DNM2: variants seen among roughly 807,000 people sequenced by gnomAD.
The protein encoded by DNM2 is dynamin-2.
DNM2 carries 15 observed loss-of-function variants against 99.0 expected under a neutral mutation model. The observed-to-expected ratio is 0.15, with a 90% CI of 0.10 to 0.23. The LOEUF is 0.23. DNM2 is among the 10% of genes least tolerant of loss of function. The pLI, the probability that DNM2 is intolerant of heterozygous loss-of-function variation, is 1.00. For missense variants in DNM2, 742 were observed against 1,189.4 expected, an observed-to-expected ratio of 0.62 and a Z score of 5.53; for synonymous variants, 525 against 481.2, an observed-to-expected ratio of 1.09 and a Z score of -1.19.
Position 10,765,906 on chromosome 19 carries a change from G to A in DNM2, c.235+6095G>A, listed in dbSNP as rs1223967582. Among the ~76,000 whole-genome samples the A allele has an allele frequency of 6.6e-6, 1 of 152,190 alleles. No individual in the cohort carries two copies. On this transcript the variant is annotated intron_variant, in intron 2 of 20. Coordinates refer to ENST00000389253, the MANE Select transcript of DNM2 (RefSeq NM_001005361.3). The surrounding 1 kb of genome is among the most constrained non-coding windows in gnomAD (Gnocchi z 4.4). ...TGAGAAGATCCAGGGCAGAGCCCCA[G>A]TGTGCAAAGCACTGGGACCCTAGCC...
chr19:10,813,283 G>T (rs1241089010), intron 15 of DNM2, among the ~76,000 whole-genome samples: 1 of 152,200 alleles, frequency 6.6e-6, no homozygotes, highest in Non-Finnish European at 1.5e-5. Context: ...CTGCGAGTGA[G>T]GGGGCAGGCC....
chr19:10,732,007 T>C lies in DNM2; in HGVS notation c.161+13604T>C, dbSNP rs551451963. Among the ~76,000 whole-genome samples, 19 of 146,566 alleles carry C rather than the reference T, an allele frequency of 1.3e-4. 1 individual carries two copies. In the South Asian group the frequency reaches 4.1e-3, roughly 31 times the overall value. ...TTCGCTGTTGTTGCCCAGGCTGGAG[T>C]GCAATGGTGCAATCTCGGCTCGCTG... On this transcript the variant is annotated intron_variant, in intron 1 of 20. Transcript: ENST00000389253.
rs2072542998 is a variant in DNM2, at chr19:10,811,496, G to A, written c.1558-768G>A. ...ATGCTCAGCCCACCCTTTGTAGCTT[G>A]GCCAAGTCTGTCAGTGCCTGGGTCC... On this transcript the variant is annotated intron_variant, in intron 14 of 20. Transcript: ENST00000389253. The surrounding 1 kb of genome is among the most constrained non-coding windows in gnomAD (Gnocchi z 5.4). 6 of 357,934 alleles carry A rather than the reference G, an allele frequency of 1.7e-5. No homozygotes were observed. The highest frequency in any genetic ancestry group is 1.0e-4 in the South Asian group (5 of 48,736). 22.2% of individuals were successfully genotyped at this position (357,934 alleles called of 1,614,324 possible).
rs978236734 is a variant in DNM2 at position 10,764,295 on chromosome 19, G to A, written c.235+4484G>A. On this transcript the variant is annotated intron_variant, in intron 2 of 20. Transcript: ENST00000389253. This position sits in a 1 kb window ranked among gnomAD's most constrained non-coding sequence, Gnocchi z 4.1. The stretch of plus-strand genomic sequence containing the variant: ...TCGTGGCCATGGCACCCCATTGGCT[G>A]TGGTATGCTGTCTCTTCCTGTGGGG... Among the ~76,000 whole-genome samples the A allele has an allele frequency of 4.6e-5, 7 of 152,216 alleles. No homozygotes were observed. The highest frequency in any genetic ancestry group is 1.7e-4 in the African/African-American group (7 of 41,452).
chr19:10,738,260 A>AAAAT (rs556305780), intron 1 of DNM2, among the ~76,000 whole-genome samples: 316 of 152,100 alleles, frequency 2.1e-3, no homozygotes, highest in African/African-American at 2.5e-3. Flanking sequence ...TCCATCTCAA[A>AAAAT]AAATAAATAA....
At chr19:10,718,694 A>C (rs1330382438) in intron 1 of DNM2, 3 of 273,512 alleles carry the variant, frequency 1.1e-5, no homozygotes, top group Non-Finnish European at 2.0e-5. Context: ...TCGTGGGTGA[A>C]GTCTGCCATC....
chr19:10,742,229 G>A (rs1200041040), intron 1 of DNM2, among the ~76,000 whole-genome samples: 7 of 152,164 alleles, frequency 4.6e-5, no homozygotes, highest in Admixed American at 4.6e-4. Context: ...CTGCAAGGGA[G>A]TGCCATGTTG....
intron 2 of DNM2, among the ~76,000 whole-genome samples, chr19:10,761,765 A>T (rs1184051445): frequency 6.6e-6 from 1 of 151,536 alleles, no homozygotes; most frequent in East Asian, 1.9e-4. Flanking sequence ...GCCTCCCAAG[A>T]CTCCTCACTT....
chr19:10,811,810 G>A lies in DNM2; in HGVS notation c.1558-454G>A, dbSNP rs567470136. The stretch of plus-strand genomic sequence containing the variant: ...ACCACCAGGCTTGCAGCCAGCTTGG[G>A]ACATGAGCCGCGCTCCTTCAATGTC... On this transcript the variant is annotated intron_variant, in intron 14 of 20. Transcript: ENST00000389253. This position sits in a 1 kb window ranked among gnomAD's most constrained non-coding sequence, Gnocchi z 5.4. 1.9e-6 allele frequency: 1 copy of A among 517,908 alleles called. No homozygotes were observed. Among genetic ancestry groups the A allele is most frequent in the East Asian group, 5.4e-5 (1 of 18,354 alleles). 32.1% of individuals were successfully genotyped at this position (517,908 alleles called of 1,614,324 possible).
rs2072020371 is a variant in DNM2, at chr19:10,798,480, C to T, written c.1336-6C>T. The T allele has an allele frequency of 3.1e-6, 5 of 1,614,150 alleles. No individual in the cohort carries two copies. Among genetic ancestry groups the T allele is most frequent in the Non-Finnish European group, 4.2e-6 (5 of 1,180,032 alleles). On this transcript the variant is annotated splice_region_variant and splice_polypyrimidine_tract_variant and intron_variant, in intron 10 of 20. Coordinates refer to ENST00000389253, the MANE Select transcript of DNM2 (RefSeq NM_001005361.3). ...GCCAATGCGACCACTCTGCTTGTTC[C>T]CCCAGCTCAGTTCCTACCCCCGGTT...
At chr19:10,727,032 C>A (rs80293523) in intron 1 of DNM2, among the ~76,000 whole-genome samples, 1 of 152,136 alleles carries the variant, frequency 6.6e-6, no homozygotes, top group African/African-American at 2.4e-5. Context: ...GGGATCCTGT[C>A]TTGTTTAAAA....
At chr19:10,746,616 C>A (rs1428272505) in intron 1 of DNM2, among the ~76,000 whole-genome samples, 3 of 151,570 alleles carry the variant, frequency 2.0e-5, no homozygotes, top group African/African-American at 7.3e-5. Context: ...GACGGGGTTT[C>A]TCCCTGTTGG....
chr19:10,806,001 C>T (rs781582543), intron 13 of DNM2, 34 bp downstream of exon 13: 1 of 1,613,524 alleles, frequency 6.2e-7, no homozygotes, highest in East Asian at 2.2e-5. Flanking sequence ...CCGCTCTACC[C>T]TGGGGGCGGG....
chr19:10,790,343 C>T (rs2071710243), intron 7 of DNM2, among the ~76,000 whole-genome samples: 1 of 152,134 alleles, frequency 6.6e-6, no homozygotes, highest in South Asian at 2.1e-4. Context: ...CTTGTAAGTT[C>T]ATCTGTGACT....
chr19:10,754,735 G>C (rs1046093960), intron 1 of DNM2, among the ~76,000 whole-genome samples: 1 of 151,996 alleles, frequency 6.6e-6, no homozygotes, highest in Admixed American at 6.6e-5. Context: ...CACTACAGGG[G>C]AATGCCACCA....
rs570207406 is a variant in DNM2 at position 10,818,402 on chromosome 19, T to C, written c.1672-1578T>C. ...GTGCTCATGGGCACCAGCTCTGCAG[T>C]GGGCACCAAGCTCCTCCATCCTCCT... is the stretch of plus-strand genomic sequence containing the variant. On this transcript the variant is annotated intron_variant, in intron 15 of 20. Coordinates refer to ENST00000389253, the MANE Select transcript of DNM2 (RefSeq NM_001005361.3). This position sits in a 1 kb window ranked among gnomAD's most constrained non-coding sequence, Gnocchi z 4.3. Among the ~76,000 whole-genome samples the C allele has an allele frequency of 7.2e-5, 11 of 152,328 alleles. No homozygotes were observed. Among genetic ancestry groups the C allele is most frequent in the African/African-American group, 2.4e-4 (10 of 41,578 alleles).
intron 1 of DNM2, among the ~76,000 whole-genome samples, chr19:10,741,098 G>T (rs944464726): frequency 6.6e-6 from 1 of 152,086 alleles, no homozygotes; most frequent in Non-Finnish European, 1.5e-5. Flanking sequence ...TATTGGTTTC[G>T]TATTTTCTAT....
rs2072780988 is a variant in DNM2 at position 10,817,298 on chromosome 19, C to T, written c.1672-2682C>T. 2 of 392,702 alleles carry T rather than the reference C, an allele frequency of 5.1e-6. No homozygotes were observed. Among genetic ancestry groups the T allele is most frequent in the Non-Finnish European group, 5.2e-6 (1 of 193,852 alleles). The allele number at this position is 392,702 out of a possible 1,614,324, so 24.3% of individuals were successfully genotyped here. A position where few individuals can be genotyped will look rare whatever the true frequency, so the allele number is the denominator to read the frequency against. On this transcript the variant is annotated intron_variant, in intron 15 of 20. Transcript: ENST00000389253. The surrounding 1 kb of genome is among the most constrained non-coding windows in gnomAD (Gnocchi z 4.6). ...CCTCTGCCTTTCCCCAGTGCCTCTT[C>T]TCCCACCCAGGCCCTCGAATCTTCT...
chr19:10,790,594 G>C (rs1358449688), intron 7 of DNM2, among the ~76,000 whole-genome samples: 1 of 152,118 alleles, frequency 6.6e-6, no homozygotes, highest in East Asian at 1.9e-4. Context: ...AGCCTCCTGA[G>C]TAGCTGAGAT....
Sources: allele counts gnomAD v4.1 joint callset (sites outside exome capture counted in the v4.1 genomes callset), GRCh38; gene constraint gnomAD v4.1.1; non-coding constraint Gnocchi (gnomAD v3.1); transcripts MANE v1.5; gene names NCBI Gene and HGNC (gene_info 2026-07-23, HGNC 2026-07-21).